AXIN1: variants seen among roughly 807,000 people sequenced by gnomAD.
AXIN1 encodes the protein axin-1.
Under a neutral mutation model 76.4 loss-of-function variants are expected in AXIN1, and 30 were observed. The ratio of observed to expected loss-of-function variants is 0.39; its 90% CI spans 0.29 to 0.53. The LOEUF is 0.53. Among genes scored for constraint, AXIN1 ranks in the 20% least tolerant of loss-of-function variants. The probability of loss-of-function intolerance (pLI) is 0.66; values close to 1 mark genes in which losing one functional copy is unlikely to be tolerated. For synonymous variants in AXIN1, 545 were observed against 501.4 expected, an observed-to-expected ratio of 1.09 and a Z score of -1.16; for missense variants, 1,140 against 1,198.8, an observed-to-expected ratio of 0.95 and a Z score of 0.72.
chr16:312,817 C>A (rs1333985898), intron 3 of AXIN1, among the ~76,000 whole-genome samples: 2 of 152,242 alleles, frequency 1.3e-5, no homozygotes, highest in Non-Finnish European at 2.9e-5. Flanking sequence ...GAATCTGGTT[C>A]AGAAACAGAA....
intron 8 of AXIN1, chr16:292,230 C>G (rs1264686564): frequency 6.6e-6 from 1 of 152,422 alleles, no homozygotes; most frequent in East Asian, 1.9e-4. Flanking sequence ...CGCCCCGGCT[C>G]CGAGCACCAC....
intron 7 of AXIN1, among the ~76,000 whole-genome samples, chr16:296,433 A>G (rs774920173): frequency 1.1e-4 from 16 of 152,226 alleles, no homozygotes; most frequent in Admixed American, 2.0e-4. Context: ...GGTGGGGGGT[A>G]CCACCTCTGT....
chr16:317,173 G>C (rs560527038), intron 2 of AXIN1, among the ~76,000 whole-genome samples: 3 of 152,294 alleles, frequency 2.0e-5, no homozygotes, highest in East Asian at 1.9e-4. Context: ...CAAGATGGGA[G>C]GGGGGCAGGC....
chr16:309,102 G>C (rs539524117), intron 4 of AXIN1, among the ~76,000 whole-genome samples: 1 of 152,040 alleles, frequency 6.6e-6, no homozygotes, highest in South Asian at 2.1e-4. Context: ...AGGCTGAAAC[G>C]GGCGGATCAC....
At chr16:351,284 G>C (rs926619589) in intron 1 of AXIN1, among the ~76,000 whole-genome samples, 1 of 149,316 alleles carries the variant, frequency 6.7e-6, no homozygotes, top group Admixed American at 6.7e-5. Flanking sequence ...AAAAACAAGG[G>C]GCTGACATGC....
At chr16:300,677 T>C (rs1391880385) in intron 5 of AXIN1, among the ~76,000 whole-genome samples, 1 of 152,190 alleles carries the variant, frequency 6.6e-6, no homozygotes, top group Non-Finnish European at 1.5e-5. Context: ...AGACGGATGC[T>C]GGAGCAGAGC....
intron 8 of AXIN1, 158 bp from the exon 9 acceptor site, chr16:291,455 A>T: frequency 1.5e-6 from 1 of 688,906 alleles, no homozygotes; most frequent in Non-Finnish European, 2.6e-6. Flanking sequence ...CAAGACACCG[A>T]GTCCCCTCCT....
At chr16:310,676 C>T (rs901241576) in intron 3 of AXIN1, among the ~76,000 whole-genome samples, 1 of 152,260 alleles carries the variant, frequency 6.6e-6, no homozygotes, top group Non-Finnish European at 1.5e-5. Flanking sequence ...GGAGTAATTA[C>T]AGGCGCAAGC....
At chr16:290,981 G>A in intron 9 of AXIN1, 1 of 627,872 alleles carries the variant, frequency 1.6e-6, no homozygotes, top group Non-Finnish European at 2.9e-6. Flanking sequence ...TTGTCATCAT[G>A]CTGGACAGTC....
chr16:288,357 C>T lies in AXIN1; in HGVS notation c.2463-109G>A, dbSNP rs1331087256. The T allele has an allele frequency of 5.2e-6, 8 of 1,531,858 alleles. No homozygotes were observed. In the South Asian group the frequency reaches 7.9e-5, roughly 15 times the overall value. 94.9% of individuals were successfully genotyped at this position (1,531,858 alleles called of 1,614,324 possible). A position where few individuals can be genotyped will look rare whatever the true frequency, so the allele number is the denominator to read the frequency against. On this transcript the variant is annotated intron_variant, in intron 10 of 10. Coordinates refer to ENST00000262320, the MANE Select transcript of AXIN1 (RefSeq NM_003502.4). Reference sequence around the variant, plus strand: ...ACCCCATCCCGAGGAGCCTCCTGTCCATGCCCCACGGCCCCCACTGCATGT... The same window carrying T: ...ACCCCATCCCGAGGAGCCTCCTGTCTATGCCCCACGGCCCCCACTGCATGT...
chr16:329,310 T>C (rs2053645678), intron 2 of AXIN1, among the ~76,000 whole-genome samples: 1 of 139,932 alleles, frequency 7.1e-6, no homozygotes, highest in Non-Finnish European at 1.5e-5. Flanking sequence ...CTGAAAAACA[T>C]ACAGAGTGGG....
chr16:323,915 G>A (rs183436675), intron 2 of AXIN1, among the ~76,000 whole-genome samples: 7 of 152,256 alleles, frequency 4.6e-5, no homozygotes, highest in African/African-American at 1.4e-4. Context: ...TGTCAACTGC[G>A]ACAGGGGATG....
chr16:331,412 T>C lies in AXIN1; in HGVS notation c.878+14736A>G, dbSNP rs572095332. Reference sequence around the variant, plus strand: ...TCCCTAACACTCCAAAGCAGCTGTGTCCAGTTTCCTTGACTCTGAGTGTGC... The same window carrying C: ...TCCCTAACACTCCAAAGCAGCTGTGCCCAGTTTCCTTGACTCTGAGTGTGC... On this transcript the variant is annotated intron_variant, in intron 2 of 10. Coordinates refer to ENST00000262320, the MANE Select transcript of AXIN1 (RefSeq NM_003502.4). 7.9e-5 allele frequency among the ~76,000 whole-genome samples: 12 copies of C among 152,314 alleles called. 1 individual carries two copies. The East Asian group carries it at 2.1e-3, about 27-fold the overall frequency.
At chr16:342,275 G>A (rs12719804) in intron 2 of AXIN1, among the ~76,000 whole-genome samples, 25,329 of 152,098 alleles carry the variant, frequency 0.17, 2,229 homozygotes, top group South Asian at 0.27. Flanking sequence ...ACCTCCGAAC[G>A]TCAGAAGGAA....
In AXIN1 at chr16:297,756, C is replaced by T. The variant is rs769767245; in HGVS notation, c.1750G>A (p.Ala584Thr). ...RSRGYSESVG[A>T]APNASDGLAH... ...AGGCCATCACTGGCGTTGGGGGCAG[C>T]GCCAACACTCTCTGAGTAGCCTCGG... The change falls in exon 6 of 11, where the codon GCT (alanine) becomes ACT (threonine). Residue 584 changes from alanine to threonine, a missense_variant. Around this residue, in one of 3 missense-constraint regions of AXIN1, gnomAD observed 429 missense variants for 405.8 expected, o/e 1.06. Coordinates refer to ENST00000262320, the MANE Select transcript of AXIN1 (RefSeq NM_003502.4). The T allele has an allele frequency of 1.9e-5, 30 of 1,593,084 alleles. No individual in the cohort carries two copies. In the East Asian group the frequency reaches 4.7e-4, roughly 25 times the overall value.
rs1342569361 is a variant in AXIN1 at position 290,160 on chromosome 16, C to T, written c.2295-553G>A. 7 of 170,912 alleles carry T rather than the reference C, an allele frequency of 4.1e-5. No homozygotes were observed. The East Asian group carries it at 8.4e-4, about 21-fold the overall frequency. 10.6% of individuals were successfully genotyped at this position (170,912 alleles called of 1,614,324 possible). On this transcript the variant is annotated intron_variant, in intron 9 of 10. Transcript: ENST00000262320. Reference sequence around the variant, plus strand: ...AGGTGCTGTGCTTCCACAGCCGTGCCGGGATGACGGGCGGGGCCTGGTTGC... The same window carrying T: ...AGGTGCTGTGCTTCCACAGCCGTGCTGGGATGACGGGCGGGGCCTGGTTGC...
chr16:291,429 C>T, intron 8 of AXIN1, 132 bp from the exon 9 acceptor site: 10 of 774,990 alleles, frequency 1.3e-5, no homozygotes, highest in Non-Finnish European at 2.2e-5. Context: ...GCGCAGGCTC[C>T]AGTTTGCAGG....
At chr16:318,955 C>T (rs1339917666) in intron 2 of AXIN1, among the ~76,000 whole-genome samples, 4 of 150,906 alleles carry the variant, frequency 2.7e-5, no homozygotes. Context: ...AGAATGCGGC[C>T]GGGGCCTTGG....
chr16:336,040 G>C (rs1400531588), intron 2 of AXIN1, among the ~76,000 whole-genome samples: 1 of 152,198 alleles, frequency 6.6e-6, no homozygotes, highest in East Asian at 1.9e-4. Flanking sequence ...TTCGAGACCA[G>C]CCTGGCCAAC....
Sources: allele counts gnomAD v4.1 joint callset (sites outside exome capture counted in the v4.1 genomes callset), GRCh38; gene constraint gnomAD v4.1.1; regional missense constraint gnomAD v4.1.1; transcripts MANE v1.5; gene names NCBI Gene and HGNC (gene_info 2026-07-23, HGNC 2026-07-21).